The following UBE2S variants were observed in gnomAD, a reference collection of about 807,000 sequenced individuals.
UBE2S encodes ubiquitin-conjugating enzyme E2 S.
A neutral mutation model predicts 12.3 loss-of-function variants in UBE2S; 3 were observed. That is an observed-to-expected ratio of 0.24 (90% CI 0.11 to 0.63). The LOEUF is 0.63. Among genes scored for constraint, UBE2S ranks in the 30% least tolerant of loss-of-function variants. The pLI is 0.85. For missense variants in UBE2S, 211 were observed against 313.9 expected (o/e 0.67, Z 2.48); for synonymous variants, 133 against 142.0 (o/e 0.94, Z 0.45).
chr19:55,404,112 G>A lies in UBE2S; in HGVS notation c.342+176C>T. ...GGGCACTTCTCAACAGTACTTGGGT[G>A]TCCTGGGTCTGGCACTGTTTGTCTT... On this transcript the variant is annotated intron_variant, in intron 3 of 3. Transcript: ENST00000264552. The surrounding 1 kb of genome is among the most constrained non-coding windows in gnomAD (Gnocchi z 4.4). 2.6e-6 allele frequency: 2 copies of A among 764,708 alleles called. No homozygotes were observed. The highest frequency in any genetic ancestry group is 4.2e-6 in the Non-Finnish European group (2 of 478,218). The allele number at this position is 764,708 out of a possible 1,614,324, so 47.4% of individuals were successfully genotyped here.
chr19:55,406,895 G>T lies in UBE2S; in HGVS notation c.71C>A (p.Thr24Asn). Residue 24 changes from threonine to asparagine, a missense_variant, in exon 2 of 4, where the codon ACC becomes AAC. Thr to Asn is a moderately conservative substitution (Grantham distance 65). Coordinates refer to ENST00000264552, the MANE Select transcript of UBE2S (RefSeq NM_014501.3). ...CTTGATGCCATCGGGTGGGTCTGCG[G>T]TCAGTGTCGTCACCTCCTTGTACAC... ...RLVYKEVTTL[T>N]ADPPDGIKVF... 1 of 1,614,022 alleles carries T rather than the reference G, an allele frequency of 6.2e-7. No individual in the cohort carries two copies. The highest frequency in any genetic ancestry group is 8.5e-7 in the Non-Finnish European group (1 of 1,179,954).
At chr19:55,406,427 T>A (rs1209020622) in intron 2 of UBE2S, among the ~76,000 whole-genome samples, 8 of 152,166 alleles carry the variant, frequency 5.3e-5, no homozygotes, top group Non-Finnish European at 1.0e-4. Context: ...TGTTTCCTCA[T>A]CCCTGACACT....
rs1476276430 is a variant in UBE2S at position 55,401,091 on chromosome 19, T to C, written c.*345A>G. 3.3e-6 allele frequency: 1 copy of C among 305,950 alleles called. No homozygotes were observed. Among genetic ancestry groups the C allele is most frequent in the Non-Finnish European group, 6.1e-6 (1 of 163,922 alleles). The allele number at this position is 305,950 out of a possible 1,614,324, so 19.0% of individuals were successfully genotyped here. A position where few individuals can be genotyped will look rare whatever the true frequency, so the allele number is the denominator to read the frequency against. ...TTGGAAATCTGACTCCAAAGAGGGG[T>C]TGTGACCGCTCTACCTCCACAGAAC... On this transcript the variant is annotated 3_prime_UTR_variant, in exon 4 of 4. Coordinates refer to ENST00000264552, the MANE Select transcript of UBE2S (RefSeq NM_014501.3).
At position 55,402,949 on chromosome 19, in the gene UBE2S, G is replaced by A. The variant is rs560637267; in HGVS notation, c.343-1187C>T. Reference sequence around the variant, plus strand: ...TAACTTTTTTTTTTTTCAGCTTGCGGGAAGGGTTGGGAGGCAGCAGGCTGT... The same window carrying A: ...TAACTTTTTTTTTTTTCAGCTTGCGAGAAGGGTTGGGAGGCAGCAGGCTGT... On this transcript the variant is annotated intron_variant, in intron 3 of 3. Transcript: ENST00000264552. 24 of 1,523,430 alleles carry A rather than the reference G, an allele frequency of 1.6e-5. No homozygotes were observed. The African/African-American group carries it at 2.5e-4, about 16-fold the overall frequency. The allele number at this position is 1,523,430 out of a possible 1,614,324, so 94.4% of individuals were successfully genotyped here.
chr19:55,405,656 C>G (rs1363516546), intron 2 of UBE2S, among the ~76,000 whole-genome samples: 1 of 152,170 alleles, frequency 6.6e-6, no homozygotes, highest in Non-Finnish European at 1.5e-5. Context: ...CCCGTCTCAG[C>G]CCAACTGACC....
At position 55,406,773 on chromosome 19, in the gene UBE2S, G is replaced by GA. The variant is rs545105510; in HGVS notation, c.151+41dup. ...GGTGATCTAGAGCAGGGTGATGGAGGATCTAAGCAGCAGCCCCTTCTCTTT... is the reference window on the plus strand; with the variant it reads ...GGTGATCTAGAGCAGGGTGATGGAGGAATCTAAGCAGCAGCCCCTTCTCTTT... On this transcript the variant is annotated intron_variant, in intron 2 of 3. Transcript: ENST00000264552. The GA allele has an allele frequency of 6.2e-5, 98 of 1,586,760 alleles. 1 individual carries two copies. The Admixed American group carries it at 8.6e-4, about 14-fold the overall frequency.
At chr19:55,407,402 G>A (rs969211687) in intron 1 of UBE2S, among the ~76,000 whole-genome samples, 185 bp downstream of exon 1, 13 of 152,172 alleles carry the variant, frequency 8.5e-5, no homozygotes, top group Non-Finnish European at 1.5e-5. Context: ...TCGCCGCCAG[G>A]GAGACTGCGG....
In UBE2S at chr19:55,400,740, A is replaced by G. The variant is rs773069167; in HGVS notation, c.*696T>C. 14 of 152,372 alleles carry G rather than the reference A, an allele frequency of 9.2e-5. No individual in the cohort carries two copies. Among genetic ancestry groups the G allele is most frequent in the Non-Finnish European group, 1.6e-4 (11 of 68,134 alleles). The allele number at this position is 152,372 out of a possible 1,614,324, so 9.4% of individuals were successfully genotyped here. ...TAGCTCAGCCGTGTCCAGACTTCCA[A>G]CACAAAGTCTGAAGTGGGTGTTGTT... On this transcript the variant is annotated 3_prime_UTR_variant, in exon 4 of 4. Coordinates refer to ENST00000264552, the MANE Select transcript of UBE2S (RefSeq NM_014501.3).
At chr19:55,403,041 C>G (rs560605736) in intron 3 of UBE2S, 223 of 1,463,880 alleles carry the variant, frequency 1.5e-4, no homozygotes, top group East Asian at 2.5e-5. Flanking sequence ...CCAGGTCATT[C>G]TGTGTCATGG....
intron 3 of UBE2S, chr19:55,403,286 A>C: frequency 1.7e-6 from 1 of 574,330 alleles, no homozygotes; most frequent in Non-Finnish European, 3.1e-6. Flanking sequence ...GCTCAGCTTT[A>C]GCAAAAAAGC....
intron 1 of UBE2S, 119 bp downstream of exon 1, chr19:55,407,468 G>A: frequency 1.7e-6 from 2 of 1,152,144 alleles, no homozygotes; most frequent in South Asian, 1.6e-5. Flanking sequence ...TCCCGGGTCA[G>A]GGACCCCCAG....
intron 3 of UBE2S, chr19:55,402,854 C>T (rs1600319591): frequency 2.7e-6 from 3 of 1,104,366 alleles, no homozygotes; most frequent in Admixed American, 2.5e-5. Context: ...TCCTCTCCCT[C>T]CCCATGGCAG....
intron 1 of UBE2S, 136 bp from the exon 2 acceptor site, chr19:55,407,098 AC>A: frequency 2.8e-6 from 3 of 1,065,710 alleles, no homozygotes; most frequent in South Asian, 2.0e-5. Flanking sequence ...CCAGACCCTC[AC>A]CCAGGATGCT....
At position 55,407,621 on chromosome 19, in the gene UBE2S, GC is replaced by G. The variant is rs1354640856; in HGVS notation, c.-33del. The G allele has an allele frequency of 1.5e-6, 2 of 1,369,476 alleles. No homozygotes were observed. The highest frequency in any genetic ancestry group is 1.9e-6 in the Non-Finnish European group (2 of 1,062,888). The allele number at this position is 1,369,476 out of a possible 1,614,324, so 84.8% of individuals were successfully genotyped here. A position where few individuals can be genotyped will look rare whatever the true frequency, so the allele number is the denominator to read the frequency against. On this transcript the variant is annotated 5_prime_UTR_variant, in exon 1 of 4. Coordinates refer to ENST00000264552, the MANE Select transcript of UBE2S (RefSeq NM_014501.3). ...GGCCGGCCGGGGGCGGGTCCCCCCG[GC>G]CCCCTTCCTGCGTTCTTCGGTCCGC...
At position 55,400,159 on chromosome 19, in the gene UBE2S, A is replaced by G. The variant is rs1027725761; in HGVS notation, c.*1277T>C. 1.3e-5 allele frequency: 2 copies of G among 152,076 alleles called. No homozygotes were observed. The highest frequency in any genetic ancestry group is 2.4e-5 in the African/African-American group (1 of 41,388). The allele number at this position is 152,076 out of a possible 1,614,324, so 9.4% of individuals were successfully genotyped here. A position where few individuals can be genotyped will look rare whatever the true frequency, so the allele number is the denominator to read the frequency against. On this transcript the variant is annotated 3_prime_UTR_variant, in exon 4 of 4. Coordinates refer to ENST00000264552, the MANE Select transcript of UBE2S (RefSeq NM_014501.3). ...CAGCCTTTGAGTTTTCCACTCTCCT[A>G]TGGGTCAGAACTTGTAGATTTTTAT... is the stretch of plus-strand genomic sequence containing the variant.
Position 55,401,691 on chromosome 19 carries a change from C to T in UBE2S, c.414G>A (p.Leu138=). ...GAGCCGCATACTCCTCGTAGTTCTC[C>T]AAGAGCAGGCGGCCCGCCTCCTCGT... is the stretch of plus-strand genomic sequence containing the variant. ...ALNEEAGRLL[L]ENYEEYAARA... is the part of the protein sequence containing the mutation. The change falls in exon 4 of 4, where the codon TTG becomes TTA. Residue 138 remains leucine, a synonymous_variant. Transcript: ENST00000264552. 2 of 1,613,106 alleles carry T rather than the reference C, an allele frequency of 1.2e-6. No homozygotes were observed. The highest frequency in any genetic ancestry group is 1.7e-6 in the Non-Finnish European group (2 of 1,179,808).
At chr19:55,407,466 C>T (rs1380535011) in intron 1 of UBE2S, 121 bp downstream of exon 1, 2 of 1,134,698 alleles carry the variant, frequency 1.8e-6, no homozygotes, top group Non-Finnish European at 2.4e-6. Context: ...CATCCCGGGT[C>T]AGGGACCCCC....
Position 55,400,583 on chromosome 19 carries a change from T to A in UBE2S, c.*853A>T, listed in dbSNP as rs1435238149. ...CTGCCAGGGCCCAAGGAGGGGCAGC[T>A]TCTTGGAGCTAAGACCCTAGTTCTA... On this transcript the variant is annotated 3_prime_UTR_variant, in exon 4 of 4. Transcript: ENST00000264552. The A allele has an allele frequency of 2.6e-5, 4 of 152,246 alleles. No individual in the cohort carries two copies. The highest frequency in any genetic ancestry group is 4.4e-5 in the Non-Finnish European group (3 of 68,062). The allele number at this position is 152,246 out of a possible 1,614,324, so 9.4% of individuals were successfully genotyped here. A position where few individuals can be genotyped will look rare whatever the true frequency, so the allele number is the denominator to read the frequency against.
Position 55,401,502 on chromosome 19 carries a change from G to A in UBE2S, c.603C>T (p.Gly201=), listed in dbSNP as rs565116762. Residue 201 remains glycine, a synonymous_variant, in exon 4 of 4, where the codon GGC becomes GGT. Coordinates refer to ENST00000264552, the MANE Select transcript of UBE2S (RefSeq NM_014501.3). ...TGGCCGCCAGCTTCTTATCGCGCTC[G>A]CCAGCATGCTTCTTGGCCATGGGAC... is the stretch of plus-strand genomic sequence containing the variant. ...AEGPMAKKHA[G]ERDKKLAAKK... 77 of 1,609,676 alleles carry A rather than the reference G, an allele frequency of 4.8e-5. No homozygotes were observed. The South Asian group carries it at 6.5e-4, about 14-fold the overall frequency.
Sources: allele counts gnomAD v4.1 joint callset (sites outside exome capture counted in the v4.1 genomes callset), GRCh38; gene constraint gnomAD v4.1.1; non-coding constraint Gnocchi (gnomAD v3.1); transcripts MANE v1.5; gene names NCBI Gene and HGNC (gene_info 2026-07-23, HGNC 2026-07-21).